KLK9: variants seen among roughly 807,000 people sequenced by gnomAD.
KLK9 encodes kallikrein-9.
KLK9 carries 26 observed loss-of-function variants against 23.3 expected under a neutral mutation model. The observed-to-expected ratio is 1.12, with a 90% CI of 0.82 to 1.55. KLK9 has a LOEUF of 1.55. Ranked by LOEUF, KLK9 falls within the 40% of genes most tolerant of loss-of-function variation. The pLI, the probability that KLK9 is intolerant of heterozygous loss-of-function variation, is 0.00. For synonymous variants in KLK9, 122 were observed against 128.5 expected (o/e 0.95, Z 0.34); for missense variants, 346 against 333.7 (o/e 1.04, Z -0.29).
chr19:51,004,370 A>C (rs569188904), intron 3 of KLK9, among the ~76,000 whole-genome samples: 1,424 of 141,806 alleles, frequency 0.01, 55 homozygotes, highest in African/African-American at 0.037. Flanking sequence ...AAAAAAAAAA[A>C]AAAAAAGAAA....
chr19:51,008,681 C>A (rs1204185276), intron 2 of KLK9, among the ~76,000 whole-genome samples: 1 of 152,118 alleles, frequency 6.6e-6, no homozygotes, highest in Non-Finnish European at 1.5e-5. Context: ...ATCGTTCATA[C>A]GTATTTAAAA....
chr19:51,003,311 A>G (rs767213321), intron 4 of KLK9, 51 bp from the exon 5 acceptor site: 1 of 1,549,604 alleles, frequency 6.5e-7, no homozygotes, highest in South Asian at 1.2e-5. Context: ...TGTTCATGAC[A>G]ATTACACGGG....
rs538998737 is a variant in KLK9 at position 51,003,011 on chromosome 19, C to A, written c.*100G>T. On this transcript the variant is annotated 3_prime_UTR_variant, in exon 5 of 5. Transcript: ENST00000594211. Reference sequence around the variant, plus strand: ...GAGGGGAGTCAGGGCAGCTGGAGGTCCAGGGCGGGAACCATTGAGGCTGGG... The same window carrying A: ...GAGGGGAGTCAGGGCAGCTGGAGGTACAGGGCGGGAACCATTGAGGCTGGG... The A allele has an allele frequency of 4.3e-6, 6 of 1,402,920 alleles. No individual in the cohort carries two copies. The African/African-American group carries it at 5.7e-5, about 13-fold the overall frequency. 86.9% of individuals were successfully genotyped at this position (1,402,920 alleles called of 1,614,324 possible).
chr19:51,005,902 C>T (rs11673588), intron 3 of KLK9, among the ~76,000 whole-genome samples: 8,820 of 150,650 alleles, frequency 0.059, 412 homozygotes, highest in African/African-American at 0.12. Context: ...TATGGTGAAA[C>T]CTCTGTCTCT....
In KLK9 at chr19:51,006,505, C is replaced by G. The variant is rs2091256084; in HGVS notation, c.419G>C (p.Gly140Ala). 6.2e-7 allele frequency: 1 copy of G among 1,613,004 alleles called. No homozygotes were observed. The highest frequency in any genetic ancestry group is 1.3e-5 in the African/African-American group (1 of 74,892). The change falls in exon 3 of 5, where the codon GGC becomes GCC. Residue 140 changes from glycine to alanine, a missense_variant. Coordinates refer to ENST00000594211, the MANE Select transcript of KLK9 (RefSeq NM_012315.2). The surrounding 1 kb of genome is among the most constrained non-coding windows in gnomAD (Gnocchi z 4.1). Reference sequence around the variant, plus strand: ...CCAGCCTGAGATGAGACACTGCATGCCTGGGGAGACACAGGTCTGGCTGAG... The same window carrying G: ...CCAGCCTGAGATGAGACACTGCATGGCTGGGGAGACACAGGTCTGGCTGAG... ...LNLSQTCVSP[G>A]MQCLISGWGA...
chr19:51,003,842 T>C lies in KLK9; in HGVS notation c.467-2A>G. 4 of 1,613,616 alleles carry C rather than the reference T, an allele frequency of 2.5e-6. No homozygotes were observed. The highest frequency in any genetic ancestry group is 3.4e-6 in the Non-Finnish European group (4 of 1,179,636). ...ACTGCAGTGTGACTGGAAACAGCGC[T>C]GTCAGGGAAGAGAACTGTCAAGGAT... On this transcript the variant is annotated splice_acceptor_variant, in intron 3 of 4. Transcript: ENST00000594211. LOFTEE classifies it high-confidence loss of function.
In KLK9 at chr19:51,002,726, G is replaced by A. The variant is rs1336683281; in HGVS notation, c.*385C>T. On this transcript the variant is annotated 3_prime_UTR_variant, in exon 5 of 5. Transcript: ENST00000594211. The stretch of plus-strand genomic sequence containing the variant: ...CACGAGGGGCGAGATCTCTGGTGAA[G>A]GAGGCGGGGCCACAAGGGGTGGAGT... 3 of 172,000 alleles carry A rather than the reference G, an allele frequency of 1.7e-5. No individual in the cohort carries two copies. The highest frequency in any genetic ancestry group is 7.1e-5 in the African/African-American group (3 of 42,208). 10.7% of individuals were successfully genotyped at this position (172,000 alleles called of 1,614,324 possible).
rs1015792425 is a variant in KLK9, at chr19:51,005,042, C to A, written c.467-1202G>T. 1.3e-5 allele frequency among the ~76,000 whole-genome samples: 2 copies of A among 151,944 alleles called. 1 individual carries two copies. The highest frequency in any genetic ancestry group is 4.1e-4 in the South Asian group (2 of 4,830). On this transcript the variant is annotated intron_variant, in intron 3 of 4. Coordinates refer to ENST00000594211, the MANE Select transcript of KLK9 (RefSeq NM_012315.2). ...AACTTATCTTGGCTGAAGGGGGCAG[C>A]CTCCATTGACTCAGCCCAATGCTTG... is the stretch of plus-strand genomic sequence containing the variant.
At chr19:51,008,324 G>A (rs1223114768) in intron 2 of KLK9, among the ~76,000 whole-genome samples, 1 of 135,390 alleles carries the variant, frequency 7.4e-6, no homozygotes, top group Admixed American at 7.5e-5. Flanking sequence ...GGAGATAGAG[G>A]GAGACTCTGT....
Position 51,002,733 on chromosome 19 carries a change from G to A in KLK9, c.*378C>T, listed in dbSNP as rs1455102203. 3 of 175,842 alleles carry A rather than the reference G, an allele frequency of 1.7e-5. No homozygotes were observed. Among genetic ancestry groups the A allele is most frequent in the Non-Finnish European group, 2.4e-5 (2 of 84,004 alleles). 10.9% of individuals were successfully genotyped at this position (175,842 alleles called of 1,614,324 possible). On this transcript the variant is annotated 3_prime_UTR_variant, in exon 5 of 5. Transcript: ENST00000594211. Reference sequence around the variant, plus strand: ...GGCGAGATCTCTGGTGAAGGAGGCGGGGCCACAAGGGGTGGAGTCCCGAGG... The same window carrying A: ...GGCGAGATCTCTGGTGAAGGAGGCGAGGCCACAAGGGGTGGAGTCCCGAGG...
chr19:51,006,530 G>C lies in KLK9; in HGVS notation c.394C>G (p.Leu132Val). Residue 132 changes from leucine (L) to valine (V), a missense_variant, in exon 3 of 5, where the codon CTC becomes GTC. By Grantham distance (32) the Leu-to-Val change is conservative (BLOSUM62 1). Transcript: ENST00000594211. The surrounding 1 kb of genome is among the most constrained non-coding windows in gnomAD (Gnocchi z 4.1). ...RLSPAVQPLNLSQTCVSPGMQ... is the reference protein window; with the variant it reads ...RLSPAVQPLNVSQTCVSPGMQ... ...CCTGGGGAGACACAGGTCTGGCTGA[G>C]GTTGAGGGGCTGCACAGCAGGACTC... The C allele has an allele frequency of 6.2e-7, 1 of 1,613,262 alleles. No homozygotes were observed. Among genetic ancestry groups the C allele is most frequent in the Non-Finnish European group, 8.5e-7 (1 of 1,179,460 alleles).
intron 2 of KLK9, among the ~76,000 whole-genome samples, chr19:51,008,599 T>C: frequency 6.6e-6 from 1 of 152,116 alleles, no homozygotes; most frequent in East Asian, 1.9e-4. Context: ...GCTAGTCCAT[T>C]TTGTAACAGG....
In KLK9 at chr19:51,006,885, A is replaced by T; in HGVS notation, c.201-162T>A. On this transcript the variant is annotated intron_variant, in intron 2 of 4. Coordinates refer to ENST00000594211, the MANE Select transcript of KLK9 (RefSeq NM_012315.2). The surrounding 1 kb of genome is among the most constrained non-coding windows in gnomAD (Gnocchi z 4.1). ...GTCTGGCCCAGGGTACTGTGATTTT[A>T]AGCGAGGCACACACCTCCTCTGGGT... Among the ~76,000 whole-genome samples, 1 of 151,810 alleles carries T rather than the reference A, an allele frequency of 6.6e-6. No homozygotes were observed. Among genetic ancestry groups the T allele is most frequent in the East Asian group, 1.9e-4 (1 of 5,162 alleles).
Position 51,003,791 on chromosome 19 carries a change from G to T in KLK9, c.516C>A (p.Asn172Lys). The T allele has an allele frequency of 1.2e-6, 2 of 1,613,698 alleles. No individual in the cohort carries two copies. Among genetic ancestry groups the T allele is most frequent in the Non-Finnish European group, 1.7e-6 (2 of 1,179,594 alleles). ...CAGGGTATGCCCAGTGACAGAGTTT[G>T]TTCTCCAGGATGCTGATGTTGGCAC... ...LQCANISILE[N>K]KLCHWAYPGH... is the part of the protein sequence containing the mutation. The change falls in exon 4 of 5, where the codon AAC becomes AAA. Residue 172 changes from asparagine (N) to lysine (K), a missense_variant. Transcript: ENST00000594211.
At chr19:51,008,000 G>A (rs1462409796) in intron 2 of KLK9, among the ~76,000 whole-genome samples, 4 of 151,962 alleles carry the variant, frequency 2.6e-5, no homozygotes, top group African/African-American at 9.7e-5. Context: ...TTAAATCTAA[G>A]ATTTGAACAT....
chr19:51,002,838 C>T lies in KLK9; in HGVS notation c.*273G>A. 2.6e-6 allele frequency: 1 copy of T among 387,290 alleles called. No individual in the cohort carries two copies. 24.0% of individuals were successfully genotyped at this position (387,290 alleles called of 1,614,324 possible). ...CCTTGGGGCGGAGCCACAGGCTGTGCTGTTCCAAGAAGGAGGTGATGGCTG... is the reference window on the plus strand; with the variant it reads ...CCTTGGGGCGGAGCCACAGGCTGTGTTGTTCCAAGAAGGAGGTGATGGCTG... On this transcript the variant is annotated 3_prime_UTR_variant, in exon 5 of 5. Transcript: ENST00000594211.
chr19:51,004,426 A>G (rs1187010330), intron 3 of KLK9, among the ~76,000 whole-genome samples: 1 of 149,582 alleles, frequency 6.7e-6, no homozygotes, highest in Non-Finnish European at 1.5e-5. Flanking sequence ...CCAAGAGATA[A>G]GAGGAGATGC....
Position 51,003,050 on chromosome 19 carries a change from C to A in KLK9, c.*61G>T. 1.3e-6 allele frequency: 2 copies of A among 1,553,830 alleles called. No individual in the cohort carries two copies. The highest frequency in any genetic ancestry group is 4.5e-5 in the East Asian group (2 of 44,130). ...ATTGAGGCTGGGACCCTACGAGAAC[C>A]CCCTACCCCGTGCCCTTCGGCCTCT... On this transcript the variant is annotated 3_prime_UTR_variant, in exon 5 of 5. Coordinates refer to ENST00000594211, the MANE Select transcript of KLK9 (RefSeq NM_012315.2).
rs923734037 is a variant in KLK9, at chr19:51,003,738, G to T, written c.569C>A (p.Ala190Glu). The change falls in exon 4 of 5, where the codon GCG becomes GAG. Residue 190 changes from alanine to glutamate, a missense_variant. By Grantham distance (107) the Ala-to-Glu change is moderately radical. Transcript: ENST00000594211. Reference sequence around the variant, plus strand: ...ACCTCGGCCCCCCTCCCACAGGCCCGCACAGAGCATGCTGTCCGAGATGTG... The same window carrying T: ...ACCTCGGCCCCCCTCCCACAGGCCCTCACAGAGCATGCTGTCCGAGATGTG... ...PGHISDSMLC[A>E]GLWEGGRGSC... The T allele has an allele frequency of 5.0e-6, 8 of 1,613,010 alleles. No individual in the cohort carries two copies. Among genetic ancestry groups the T allele is most frequent in the African/African-American group, 1.3e-5 (1 of 74,878 alleles).
Sources: allele counts gnomAD v4.1 joint callset (sites outside exome capture counted in the v4.1 genomes callset), GRCh38; gene constraint gnomAD v4.1.1; non-coding constraint Gnocchi (gnomAD v3.1); transcripts MANE v1.5; gene names NCBI Gene and HGNC (gene_info 2026-07-23, HGNC 2026-07-21).